The following DRC8 variants were observed in gnomAD, a reference collection of about 807,000 sequenced individuals.
The protein encoded by DRC8 is dynein regulatory complex subunit 8.
the DRC8 span, chr1:245,059,553 T>C: frequency 1.0e-6 from 1 of 993,200 alleles, no homozygotes; most frequent in Non-Finnish European, 1.5e-6. Context: ...TAAAAAAAAG[T>C]GCCCCAAACT....
chr1:245,020,736 C>T, the DRC8 span, among the ~76,000 whole-genome samples: 1 of 148,544 alleles, frequency 6.7e-6, no homozygotes, highest in Non-Finnish European at 1.5e-5. Context: ...TCTCCTGCAT[C>T]AGCCTCCCAA....
At chr1:244,979,617 T>C in the DRC8 span, among the ~76,000 whole-genome samples, 2 of 151,842 alleles carry the variant, frequency 1.3e-5, no homozygotes, top group African/African-American at 4.8e-5. Flanking sequence ...AATTTTTGTA[T>C]TTTTAGTAGA....
chr1:245,084,508 G>A, the DRC8 span, among the ~76,000 whole-genome samples: 19 of 152,074 alleles, frequency 1.2e-4, no homozygotes, highest in Non-Finnish European at 2.2e-4. Flanking sequence ...ATACATATAT[G>A]CATACACACA....
chr1:245,019,547 T>A, the DRC8 span, among the ~76,000 whole-genome samples: 1 of 152,072 alleles, frequency 6.6e-6, no homozygotes, highest in African/African-American at 2.4e-5. Flanking sequence ...CTAATTATTA[T>A]TTCTTGTAGT....
the DRC8 span, among the ~76,000 whole-genome samples, chr1:244,981,358 T>C: frequency 6.6e-6 from 1 of 152,004 alleles, no homozygotes. Context: ...AAAAGCCAAG[T>C]AGGAAGAATT....
At chr1:244,988,424 T>C in the DRC8 span, among the ~76,000 whole-genome samples, 10 of 152,286 alleles carry the variant, frequency 6.6e-5, no homozygotes, top group East Asian at 1.9e-3. Flanking sequence ...TTTTGTGGCC[T>C]ATTAGAGTAG....
chr1:244,972,646 C>T, the DRC8 span, among the ~76,000 whole-genome samples: 1 of 152,116 alleles, frequency 6.6e-6, no homozygotes, highest in South Asian at 2.1e-4. Context: ...TGGTGAACCC[C>T]GTCTCTACTA....
At chr1:245,054,344 GCCTGACTTCTC>G in the DRC8 span, among the ~76,000 whole-genome samples, 1 of 152,000 alleles carries the variant, frequency 6.6e-6, no homozygotes. Context: ...CTGTCACCAT[GCCTGACTTCTC>G]CCTTTCACTT....
the DRC8 span, among the ~76,000 whole-genome samples, chr1:245,071,112 A>G: frequency 3.3e-5 from 5 of 152,240 alleles, no homozygotes; most frequent in Admixed American, 1.3e-4. Flanking sequence ...AGTCTAAGGT[A>G]CTTCGTCATA....
chr1:245,007,191 G>A, the DRC8 span, among the ~76,000 whole-genome samples: 194 of 152,122 alleles, frequency 1.3e-3, no homozygotes, highest in African/African-American at 4.5e-3. Context: ...CAGGTTGTGG[G>A]CCATTCTGTA....
chr1:245,114,286 A>T, the DRC8 span, among the ~76,000 whole-genome samples: 2 of 152,090 alleles, frequency 1.3e-5, no homozygotes, highest in East Asian at 3.9e-4. Flanking sequence ...GATATGGTGA[A>T]ACCCTGTTTC....
the DRC8 span, among the ~76,000 whole-genome samples, chr1:245,046,102 A>G: frequency 6.6e-6 from 1 of 152,084 alleles, no homozygotes; most frequent in Non-Finnish European, 1.5e-5. Context: ...AGTTTCATTT[A>G]GTAGAAATAG....
chr1:244,970,809 T>G, the DRC8 span: 4 of 349,038 alleles, frequency 1.1e-5, no homozygotes, highest in East Asian at 5.0e-5. Flanking sequence ...GGCCGGGCCT[T>G]GCATCCTGCG....
the DRC8 span, among the ~76,000 whole-genome samples, chr1:245,088,305 G>T: frequency 0.42 from 57,208 of 134,686 alleles, 10,948 homozygotes; most frequent in South Asian, 0.47. This position sits in a 1 kb window ranked among gnomAD's most constrained non-coding sequence, Gnocchi z 4.6. Context: ...TAGATATTCT[G>T]TTATAACAAG....
chr1:245,019,612 A>T, the DRC8 span, among the ~76,000 whole-genome samples: 2 of 151,840 alleles, frequency 1.3e-5, no homozygotes, highest in South Asian at 4.2e-4. Context: ...GCCTCAAGTG[A>T]TAGACCCTCC....
At chr1:245,061,759 A>G in the DRC8 span, among the ~76,000 whole-genome samples, 16 of 152,248 alleles carry the variant, frequency 1.1e-4, no homozygotes, top group African/African-American at 3.6e-4. Flanking sequence ...TAAATGTTCT[A>G]TAATAGTTTC....
chr1:245,028,512 G>C, the DRC8 span, among the ~76,000 whole-genome samples: 7 of 152,074 alleles, frequency 4.6e-5, no homozygotes, highest in South Asian at 1.5e-3. Flanking sequence ...GTTGGGAGAA[G>C]AGATATGTCA....
At chr1:245,055,558 G>T in the DRC8 span, among the ~76,000 whole-genome samples, 1 of 152,086 alleles carries the variant, frequency 6.6e-6, no homozygotes, top group African/African-American at 2.4e-5. Context: ...CTGGCCTCAA[G>T]TGATCCTCCC....
chr1:244,979,098 GT>G, the DRC8 span, among the ~76,000 whole-genome samples: 1 of 151,644 alleles, frequency 6.6e-6, no homozygotes, highest in African/African-American at 2.4e-5. Context: ...ATAGCTATTT[GT>G]TTTTTTCCTC....
Sources: allele counts gnomAD v4.1 joint callset (sites outside exome capture counted in the v4.1 genomes callset), GRCh38; gene constraint gnomAD v4.1.1; non-coding constraint Gnocchi (gnomAD v3.1); transcripts MANE v1.5; gene names NCBI Gene and HGNC (gene_info 2026-07-23, HGNC 2026-07-21).